Variants in FLYWCH1 observed in about 807,000 individuals in gnomAD.
The protein encoded by FLYWCH1 is FLYWCH-type zinc finger-containing protein 1.
FLYWCH1 carries 75 observed loss-of-function variants against 66.4 expected under a neutral mutation model. That is an observed-to-expected ratio of 1.13 (90% CI 0.94 to 1.37). FLYWCH1 has a LOEUF of 1.37. FLYWCH1 is among the 40% of genes most tolerant of loss of function. The pLI, the probability that FLYWCH1 is intolerant of heterozygous loss-of-function variation, is 0.00. For synonymous variants in FLYWCH1, 595 were observed against 429.9 expected (o/e 1.38, Z -4.75); for missense variants, 1,334 against 1,001.8 (o/e 1.33, Z -4.48).
chr16:2,934,336 T>C (rs2070906243), intron 6 of FLYWCH1, among the ~76,000 whole-genome samples: 1 of 152,216 alleles, frequency 6.6e-6, no homozygotes, highest in African/African-American at 2.4e-5. Flanking sequence ...GAAGGCTGTC[T>C]TAACGTCTGA....
chr16:2,931,842 T>C (rs12447934), intron 4 of FLYWCH1, among the ~76,000 whole-genome samples: 1 of 150,664 alleles, frequency 6.6e-6, no homozygotes, highest in East Asian at 2.0e-4. Flanking sequence ...GGCTGGGCGC[T>C]TTGGCTCACG....
chr16:2,945,854 G>T (rs891669788), intron 9 of FLYWCH1, among the ~76,000 whole-genome samples: 5 of 151,788 alleles, frequency 3.3e-5, no homozygotes, highest in African/African-American at 4.8e-5. Flanking sequence ...AAAATTAGCC[G>T]AGCGTGGTGG....
intron 9 of FLYWCH1, among the ~76,000 whole-genome samples, chr16:2,948,403 C>CA (rs374345147): frequency 1.7e-3 from 245 of 148,124 alleles, no homozygotes; most frequent in African/African-American, 5.5e-3. Context: ...TAATAAAATA[C>CA]AAAAAAAAAA....
At chr16:2,920,480 C>T (rs934118512) in intron 2 of FLYWCH1, among the ~76,000 whole-genome samples, 2 of 151,086 alleles carry the variant, frequency 1.3e-5, no homozygotes, top group African/African-American at 2.4e-5. Flanking sequence ...CGCCATTGCA[C>T]TCCAGCCTGG....
intron 2 of FLYWCH1, among the ~76,000 whole-genome samples, chr16:2,920,503 C>A (rs2070331456): frequency 1.4e-5 from 2 of 141,770 alleles, no homozygotes; most frequent in African/African-American, 5.3e-5. Context: ...GGCCGTGAGA[C>A]TCTGTCTTAA....
Position 2,929,879 on chromosome 16 carries a change from T to G in FLYWCH1, c.194T>G (p.Val65Gly), listed in dbSNP as rs953973030. ...VGSKPQEVHC[V>G]LSLEMAGPAT... ...TCCAAGCCCCAGGAAGTGCACTGCG[T>G]CCTGTCCCTGGAGATGGCTGGCCCC... The change falls in exon 3 of 10, where the codon GTC becomes GGC. Residue 65 changes from valine (V) to glycine (G), a missense_variant. Physicochemically the swap from Val to Gly is moderately radical, Grantham distance 109. Coordinates refer to ENST00000253928, the MANE Select transcript of FLYWCH1 (RefSeq NM_001308068.2). The G allele has an allele frequency of 6.2e-7, 1 of 1,613,814 alleles. No homozygotes were observed. Among genetic ancestry groups the G allele is most frequent in the Non-Finnish European group, 8.5e-7 (1 of 1,179,856 alleles).
rs771881187 is a variant in FLYWCH1, at chr16:2,933,129, G to A, written c.797-1G>A. On this transcript the variant is annotated splice_acceptor_variant, in intron 4 of 9. Transcript: ENST00000253928. LOFTEE classifies it high-confidence loss of function. ...TGTGACCACTTGGGTCTCTCCTCTA[G>A]GACAGGCCCGGCCCCTCGAGTTCCT... The A allele has an allele frequency of 1.2e-6, 2 of 1,611,858 alleles. No individual in the cohort carries two copies. The highest frequency in any genetic ancestry group is 1.7e-6 in the Non-Finnish European group (2 of 1,178,882).
At chr16:2,947,582 G>A (rs2071536276) in intron 9 of FLYWCH1, among the ~76,000 whole-genome samples, 1 of 152,046 alleles carries the variant, frequency 6.6e-6, no homozygotes, top group Non-Finnish European at 1.5e-5. Flanking sequence ...CCAACATGGT[G>A]AAACCCCATC....
chr16:2,924,737 G>T (rs1392707422), intron 2 of FLYWCH1, among the ~76,000 whole-genome samples: 1 of 152,218 alleles, frequency 6.6e-6, no homozygotes, highest in African/African-American at 2.4e-5. Context: ...ACTTTAACGG[G>T]CGGAGTGGCG....
At chr16:2,938,064 T>A in intron 7 of FLYWCH1, 120 bp from the exon 8 acceptor site, 1 of 965,214 alleles carries the variant, frequency 1.0e-6, no homozygotes, top group Non-Finnish European at 1.5e-6. Flanking sequence ...GGGACCACCG[T>A]GCAGCGTGCT....
chr16:2,931,012 A>G (rs2070743975), intron 4 of FLYWCH1, 132 bp downstream of exon 4: 7 of 768,400 alleles, frequency 9.1e-6, no homozygotes, highest in East Asian at 2.8e-5. Context: ...GACTTTTAAA[A>G]ATATAAATGT....
chr16:2,923,044 G>T (rs573432758), intron 2 of FLYWCH1: 25 of 419,580 alleles, frequency 6.0e-5, no homozygotes, highest in Admixed American at 1.3e-4. Context: ...ATCTTTTTTT[G>T]TGTGTGTGTG....
At chr16:2,915,256 A>G (rs2070129701) in intron 2 of FLYWCH1, 1 of 151,694 alleles carries the variant, frequency 6.6e-6, no homozygotes, top group Non-Finnish European at 1.5e-5. Context: ...GTTCTGCCTC[A>G]GCCTCCTGAG....
intron 6 of FLYWCH1, 72 bp from the exon 7 acceptor site, chr16:2,937,049 C>T (rs1276609320): frequency 6.8e-6 from 10 of 1,463,664 alleles, no homozygotes; most frequent in Middle Eastern, 1.8e-4. Context: ...TGGGAGGTCT[C>T]ATCTCGGGGC....
chr16:2,923,122 T>C (rs1033987962), intron 2 of FLYWCH1: 4 of 402,174 alleles, frequency 9.9e-6, no homozygotes, highest in Admixed American at 3.2e-5. Flanking sequence ...GTTCTTTTTT[T>C]GTGTGGCTGT....
chr16:2,940,494 G>A (rs7205430), intron 9 of FLYWCH1, among the ~76,000 whole-genome samples: 34,911 of 152,150 alleles, frequency 0.23, 4,921 homozygotes, highest in East Asian at 0.42. Context: ...GGAGTACAGC[G>A]GCATGATCTC....
chr16:2,940,329 C>G (rs1215744574), intron 9 of FLYWCH1, among the ~76,000 whole-genome samples: 1 of 152,194 alleles, frequency 6.6e-6, no homozygotes, highest in Non-Finnish European at 1.5e-5. Flanking sequence ...CTTGGGCCCA[C>G]TTGAGCATCC....
At chr16:2,934,700 G>T (rs549171599) in intron 6 of FLYWCH1, 4 of 455,532 alleles carry the variant, frequency 8.8e-6, no homozygotes, top group Non-Finnish European at 1.8e-5. Flanking sequence ...AGTTCTCTCG[G>T]ACTTGAGAGC....
chr16:2,946,440 G>GC (rs1377848155), intron 9 of FLYWCH1, among the ~76,000 whole-genome samples: 1 of 148,738 alleles, frequency 6.7e-6, no homozygotes, highest in Non-Finnish European at 1.5e-5. Flanking sequence ...TCCTCCCTCA[G>GC]CCCCCTGAGT....
Sources: allele counts gnomAD v4.1 joint callset (sites outside exome capture counted in the v4.1 genomes callset), GRCh38; gene constraint gnomAD v4.1.1; transcripts MANE v1.5; gene names NCBI Gene and HGNC (gene_info 2026-07-23, HGNC 2026-07-21).